AMPH: variants seen among roughly 807,000 people sequenced by gnomAD.
AMPH encodes the protein amphiphysin.
AMPH carries 49 observed loss-of-function variants against 99.1 expected under a neutral mutation model. The ratio of observed to expected loss-of-function variants is 0.49; its 90% CI spans 0.39 to 0.63. AMPH has a LOEUF of 0.63. AMPH is among the 20% of genes least tolerant of loss of function. The pLI, the probability that AMPH is intolerant of heterozygous loss-of-function variation, is 0.00. For synonymous variants in AMPH, 314 were observed against 317.3 expected, an observed-to-expected ratio of 0.99 and a Z score of 0.11; for missense variants, 759 against 863.4, an observed-to-expected ratio of 0.88 and a Z score of 1.52.
intron 9 of AMPH, chr7:38,463,318 T>C: frequency 1.4e-6 from 1 of 708,122 alleles, no homozygotes; most frequent in Middle Eastern, 2.7e-4. Context: ...CTCATTCATG[T>C]ATTATCTTTT....
At chr7:38,532,701 CA>C in intron 2 of AMPH, among the ~76,000 whole-genome samples, 1 of 144,840 alleles carries the variant, frequency 6.9e-6, no homozygotes, top group Non-Finnish European at 1.5e-5. Context: ...GTACCTTCAA[CA>C]AAAAACAATC....
At chr7:38,506,267 G>A (rs913697842) in intron 2 of AMPH, among the ~76,000 whole-genome samples, 3 of 152,166 alleles carry the variant, frequency 2.0e-5, no homozygotes, top group African/African-American at 7.2e-5. Context: ...GCTGAAATGT[G>A]GAGAGAGGCT....
At chr7:38,483,391 C>T (rs545726335) in intron 5 of AMPH, among the ~76,000 whole-genome samples, 1 of 152,274 alleles carries the variant, frequency 6.6e-6, no homozygotes, top group East Asian at 1.9e-4. Flanking sequence ...CCCCTCCCCT[C>T]AACTGAGGGA....
Position 38,417,980 on chromosome 7 carries a change from A to G in AMPH, c.1273-30T>C, listed in dbSNP as rs763613928. On this transcript the variant is annotated intron_variant, in intron 16 of 20. Transcript: ENST00000356264. The stretch of plus-strand genomic sequence containing the variant: ...GAGTGTTTGTTTTGAGGGTTAGAGG[A>G]AAAAGATTCAACAGGTAAATAGATA... The G allele has an allele frequency of 3.2e-5, 51 of 1,604,166 alleles. 1 individual carries two copies. The highest frequency in any genetic ancestry group is 5.1e-5 in the Admixed American group (3 of 58,406).
At chr7:38,578,651 C>T (rs12537926) in intron 1 of AMPH, among the ~76,000 whole-genome samples, 23,551 of 152,078 alleles carry the variant, frequency 0.15, 2,114 homozygotes, top group Admixed American at 0.25. Flanking sequence ...TGCCTGCAGT[C>T]CTAGCTACTT....
intron 17 of AMPH, among the ~76,000 whole-genome samples, chr7:38,412,673 A>G (rs148402114): frequency 6.6e-6 from 1 of 152,344 alleles, no homozygotes; most frequent in East Asian, 1.9e-4. Flanking sequence ...GCAAAGACAG[A>G]GAGAAAGATC....
At chr7:38,472,208 A>G (rs1442995351) in intron 7 of AMPH, among the ~76,000 whole-genome samples, 2 of 152,174 alleles carry the variant, frequency 1.3e-5, no homozygotes, top group African/African-American at 4.8e-5. Context: ...CTTCATACCC[A>G]GTATTATGCA....
chr7:38,488,983 G>GT (rs55940560), intron 5 of AMPH, among the ~76,000 whole-genome samples: 133,429 of 149,196 alleles, frequency 0.89, 58,865 homozygotes, highest in Middle Eastern at 0.98. Flanking sequence ...TTAACAGAAA[G>GT]TTTTTTTTAA....
intron 7 of AMPH, among the ~76,000 whole-genome samples, chr7:38,468,366 C>T (rs966449245): frequency 6.6e-6 from 1 of 151,966 alleles, no homozygotes; most frequent in African/African-American, 2.4e-5. Flanking sequence ...TATGTAATGG[C>T]ACTTCTATTA....
At chr7:38,537,321 C>T (rs1025169666) in intron 1 of AMPH, among the ~76,000 whole-genome samples, 12 of 152,190 alleles carry the variant, frequency 7.9e-5, no homozygotes, top group African/African-American at 2.6e-4. Context: ...TGTATGGAAC[C>T]ACCAAGGATA....
At chr7:38,622,322 T>A (rs1794098866) in intron 1 of AMPH, among the ~76,000 whole-genome samples, 1 of 152,152 alleles carries the variant, frequency 6.6e-6, no homozygotes, top group South Asian at 2.1e-4. Flanking sequence ...AAATGCATCA[T>A]TTTAAGAAAG....
intron 1 of AMPH, among the ~76,000 whole-genome samples, chr7:38,553,438 CATTT>C (rs984759053): frequency 2.0e-5 from 3 of 152,220 alleles, no homozygotes; most frequent in African/African-American, 7.2e-5. Flanking sequence ...TGCAGACAAC[CATTT>C]TGTAGTTTTA....
chr7:38,595,415 G>T (rs1793016190), intron 1 of AMPH, among the ~76,000 whole-genome samples: 2 of 152,188 alleles, frequency 1.3e-5, no homozygotes, highest in African/African-American at 4.8e-5. Flanking sequence ...CAGGAGGATA[G>T]TCCCTGCCAT....
chr7:38,459,715 A>ACC (rs1787367643), intron 11 of AMPH, among the ~76,000 whole-genome samples: 1 of 152,112 alleles, frequency 6.6e-6, no homozygotes, highest in Non-Finnish European at 1.5e-5. Context: ...AAAGGCTTAG[A>ACC]CATAAGACCC....
Position 38,494,432 on chromosome 7 carries a change from C to T in AMPH, c.300+1G>A. 1 of 1,613,628 alleles carries T rather than the reference C, an allele frequency of 6.2e-7. No individual in the cohort carries two copies. Among genetic ancestry groups the T allele is most frequent in the South Asian group, 1.1e-5 (1 of 91,070 alleles). On this transcript the variant is annotated splice_donor_variant, in intron 4 of 20. Coordinates refer to ENST00000356264, the MANE Select transcript of AMPH (RefSeq NM_001635.4). LOFTEE classifies it high-confidence loss of function. The stretch of plus-strand genomic sequence containing the variant: ...CTCATGGAAGCCACCCCAGCTCTTA[C>T]CTCACCAACCATTTTCACATCTTCC...
At chr7:38,444,702 AT>A (rs1205884868) in intron 11 of AMPH, among the ~76,000 whole-genome samples, 5 of 151,982 alleles carry the variant, frequency 3.3e-5, no homozygotes, top group Admixed American at 1.3e-4. Flanking sequence ...CTGTTAGAGA[AT>A]TTTTTTGTGG....
intron 17 of AMPH, among the ~76,000 whole-genome samples, chr7:38,403,362 TG>T (rs1388154252): frequency 1.1e-4 from 16 of 152,224 alleles, no homozygotes; most frequent in Non-Finnish European, 2.4e-4. Context: ...CCTCTGCCCT[TG>T]TGACCTTCGG....
At chr7:38,455,260 A>G (rs1172755900) in intron 11 of AMPH, among the ~76,000 whole-genome samples, 1 of 151,940 alleles carries the variant, frequency 6.6e-6, no homozygotes, top group Non-Finnish European at 1.5e-5. Flanking sequence ...TAGTAGCGAC[A>G]GGGTTTCCCC....
chr7:38,542,876 A>T (rs1309883838), intron 1 of AMPH, among the ~76,000 whole-genome samples: 1 of 151,916 alleles, frequency 6.6e-6, no homozygotes, highest in East Asian at 1.9e-4. Flanking sequence ...CAGGCGGATC[A>T]CAAGGTCAGG....
Sources: allele counts gnomAD v4.1 joint callset (sites outside exome capture counted in the v4.1 genomes callset), GRCh38; gene constraint gnomAD v4.1.1; transcripts MANE v1.5; gene names NCBI Gene and HGNC (gene_info 2026-07-23, HGNC 2026-07-21).